Variants in ADAMTS9 observed in about 807,000 individuals in gnomAD.
ADAMTS9 encodes ADAM metallopeptidase with thrombospondin type 1 motif 9.
Under a neutral mutation model 257.1 loss-of-function variants are expected in ADAMTS9, and 107 were observed. The observed-to-expected ratio is 0.42, with a 90% confidence interval of 0.36 to 0.49. ADAMTS9 has a LOEUF of 0.49. Among genes scored for constraint, ADAMTS9 ranks in the 20% least tolerant of loss-of-function variants. The pLI, the probability that ADAMTS9 is intolerant of heterozygous loss-of-function variation, is 0.03. For missense variants in ADAMTS9, 2,353 were observed against 2,469.1 expected (o/e 0.95, Z 1.00); for synonymous variants, 982 against 880.9 (o/e 1.11, Z -2.03).
At chr3:64,574,658 AG>A (rs2083788355) in intron 28 of ADAMTS9, among the ~76,000 whole-genome samples, 3 of 151,696 alleles carry the variant, frequency 2.0e-5, no homozygotes, top group African/African-American at 7.3e-5. Context: ...GATTGAGCCT[AG>A]GGGTTTGGGG....
intron 28 of ADAMTS9, among the ~76,000 whole-genome samples, chr3:64,581,595 G>T (rs1444925610): frequency 6.6e-6 from 1 of 152,088 alleles, no homozygotes; most frequent in African/African-American, 2.4e-5. Context: ...ACATTTGCAT[G>T]TGCTCAATTT....
chr3:64,639,280 A>G (rs960171522), intron 12 of ADAMTS9, among the ~76,000 whole-genome samples: 1 of 140,750 alleles, frequency 7.1e-6, no homozygotes, highest in Non-Finnish European at 1.5e-5. Flanking sequence ...GCTGACACTC[A>G]ACTAGGTGGA....
At chr3:64,539,907 G>C (rs1165808817) in intron 36 of ADAMTS9, among the ~76,000 whole-genome samples, 3 of 152,352 alleles carry the variant, frequency 2.0e-5, no homozygotes, top group Non-Finnish European at 2.9e-5. Context: ...AGTGCACGTT[G>C]TTAACCCCTA....
Position 64,607,076 on chromosome 3 carries a change from T to A in ADAMTS9, c.3358A>T (p.Ser1120Cys). 3.1e-6 allele frequency: 5 copies of A among 1,613,694 alleles called. No individual in the cohort carries two copies. Among genetic ancestry groups the A allele is most frequent in the Non-Finnish European group, 4.2e-6 (5 of 1,179,734 alleles). The stretch of plus-strand genomic sequence containing the variant: ...TGGTATCCCTGTCCACAAGTGACAC[T>A]GCACTGGAAGAAGGAGGACAAAAGG... The part of the protein sequence containing the change: ...SWQAGPWGQC[S>C]VTCGQGYQLR... The change falls in exon 23 of 40, where the codon AGT becomes TGT. Residue 1120 changes from serine (S) to cysteine (C), a missense_variant. Around this residue, in one of 3 missense-constraint regions of ADAMTS9, gnomAD observed 1,402 missense variants for 1,441.4 expected, o/e 0.97. Coordinates refer to ENST00000498707, the MANE Select transcript of ADAMTS9 (RefSeq NM_182920.2).
intron 30 of ADAMTS9, among the ~76,000 whole-genome samples, chr3:64,553,828 G>A (rs962744226): frequency 4.6e-5 from 7 of 152,028 alleles, no homozygotes; most frequent in Admixed American, 2.0e-4. Context: ...GCAGGAGGCC[G>A]GCTGAGCCCA....
chr3:64,572,091 T>A (rs2083703201), intron 28 of ADAMTS9, among the ~76,000 whole-genome samples: 1 of 152,220 alleles, frequency 6.6e-6, no homozygotes, highest in African/African-American at 2.4e-5. Flanking sequence ...CTGACTTTTT[T>A]TTCTTGGGAA....
chr3:64,655,429 T>C (rs1701042822), intron 6 of ADAMTS9, 147 bp downstream of exon 6: 2 of 655,532 alleles, frequency 3.1e-6, no homozygotes, highest in Non-Finnish European at 5.4e-6. Flanking sequence ...CATCTTGCAA[T>C]GCACAGAAGG....
At chr3:64,629,766 T>C (rs898977755) in intron 16 of ADAMTS9, among the ~76,000 whole-genome samples, 1 of 152,260 alleles carries the variant, frequency 6.6e-6, no homozygotes, top group Non-Finnish European at 1.5e-5. Flanking sequence ...CCTAGAACAG[T>C]GCCTGGCACA....
intron 30 of ADAMTS9, among the ~76,000 whole-genome samples, chr3:64,553,529 AC>A (rs553435771): frequency 9.9e-5 from 15 of 152,080 alleles, no homozygotes; most frequent in Admixed American, 5.3e-4. Context: ...AAATTTAAAC[AC>A]CTATTTTCCA....
chr3:64,524,723 T>C (rs575257449), intron 38 of ADAMTS9, among the ~76,000 whole-genome samples: 7 of 152,260 alleles, frequency 4.6e-5, no homozygotes, highest in Non-Finnish European at 5.9e-5. Flanking sequence ...CTAAAATCTT[T>C]ACTATCTGGC....
At chr3:64,617,328 C>T (rs190126207) in intron 19 of ADAMTS9, among the ~76,000 whole-genome samples, 28 of 152,234 alleles carry the variant, frequency 1.8e-4, no homozygotes, top group African/African-American at 6.7e-4. Flanking sequence ...AGGAAGGTGT[C>T]CTGCCTCCAC....
At chr3:64,542,394 T>C (rs1347313733) in intron 32 of ADAMTS9, among the ~76,000 whole-genome samples, 4 of 151,778 alleles carry the variant, frequency 2.6e-5, no homozygotes, top group South Asian at 2.1e-4. Context: ...CAAGTCGTTA[T>C]ACACTTTTGC....
intron 22 of ADAMTS9, among the ~76,000 whole-genome samples, chr3:64,609,024 AC>A (rs59960639): frequency 0.089 from 13,421 of 151,404 alleles, 838 homozygotes; most frequent in East Asian, 0.24. Context: ...GGAAAAAAAA[AC>A]ATGATTATCT....
chr3:64,530,880 T>C (rs1479752857), intron 38 of ADAMTS9, among the ~76,000 whole-genome samples: 1 of 152,180 alleles, frequency 6.6e-6, no homozygotes, highest in African/African-American at 2.4e-5. Flanking sequence ...ATACAGTGTA[T>C]TTCAAAACAT....
intron 29 of ADAMTS9, among the ~76,000 whole-genome samples, chr3:64,566,852 G>A (rs1043536023): frequency 3.4e-5 from 5 of 148,046 alleles, no homozygotes; most frequent in East Asian, 2.1e-4. Context: ...TACATGAATC[G>A]AATAGCTCCA....
intron 32 of ADAMTS9, among the ~76,000 whole-genome samples, chr3:64,543,404 A>G (rs1282161546): frequency 6.6e-6 from 1 of 152,218 alleles, no homozygotes; most frequent in African/African-American, 2.4e-5. Context: ...CAGCACATCA[A>G]AAAGCTTATC....
chr3:64,566,145 G>A (rs2083540401), intron 29 of ADAMTS9, among the ~76,000 whole-genome samples: 1 of 152,154 alleles, frequency 6.6e-6, no homozygotes, highest in African/African-American at 2.4e-5. Flanking sequence ...AAATATTGCT[G>A]CAAGTGGACA....
chr3:64,544,055 A>G (rs1416905176), intron 32 of ADAMTS9, among the ~76,000 whole-genome samples: 1 of 152,230 alleles, frequency 6.6e-6, no homozygotes, highest in Non-Finnish European at 1.5e-5. Flanking sequence ...TCCAACTTAC[A>G]AGGGATGTGA....
At chr3:64,529,763 G>C (rs956802656) in intron 38 of ADAMTS9, among the ~76,000 whole-genome samples, 1 of 152,120 alleles carries the variant, frequency 6.6e-6, no homozygotes, top group African/African-American at 2.4e-5. Context: ...GCATCACCAG[G>C]GAAATGGTTA....
Sources: allele counts gnomAD v4.1 joint callset (sites outside exome capture counted in the v4.1 genomes callset), GRCh38; gene constraint gnomAD v4.1.1; regional missense constraint gnomAD v4.1.1; transcripts MANE v1.5; gene names NCBI Gene and HGNC (gene_info 2026-07-23, HGNC 2026-07-21).